Variants in ATP8A1 observed in about 807,000 individuals in gnomAD.
ATP8A1 encodes ATPase phospholipid transporting 8A1, also known as phospholipid-transporting ATPase IA.
A neutral mutation model predicts 177.7 loss-of-function variants in ATP8A1; 90 were observed. The ratio of observed to expected loss-of-function variants is 0.51; its 90% CI spans 0.43 to 0.60. The LOEUF is 0.60. Among genes scored for constraint, ATP8A1 ranks in the 20% least tolerant of loss-of-function variants. The pLI is 0.00. For missense variants in ATP8A1, 1,072 were observed against 1,392.8 expected (o/e 0.77, Z 3.67); for synonymous variants, 493 against 485.9 (o/e 1.01, Z -0.19).
chr4:42,518,758 A>T (rs1725822282), intron 22 of ATP8A1, among the ~76,000 whole-genome samples: 2 of 152,214 alleles, frequency 1.3e-5, no homozygotes, highest in African/African-American at 2.4e-5. Context: ...CATAAACAGC[A>T]TGTCTCAGTT....
chr4:42,641,010 GA>G (rs10609874), intron 1 of ATP8A1, among the ~76,000 whole-genome samples: 31,715 of 123,266 alleles, frequency 0.26, 3,597 homozygotes, highest in Non-Finnish European at 0.29. Flanking sequence ...CCCCTCACCA[GA>G]AAAAAAAAAA....
chr4:42,623,915 A>G (rs1737772185), intron 4 of ATP8A1, among the ~76,000 whole-genome samples: 1 of 152,184 alleles, frequency 6.6e-6, no homozygotes, highest in South Asian at 2.1e-4. Context: ...CAGGAAAAAA[A>G]CCAAACCAAA....
intron 15 of ATP8A1, among the ~76,000 whole-genome samples, chr4:42,557,841 G>A (rs149447912): frequency 0.02 from 3,000 of 152,106 alleles, 92 homozygotes; most frequent in African/African-American, 0.069. Context: ...TCAGGAGTTC[G>A]AGACCAGCCT....
In ATP8A1 at chr4:42,433,856, T is replaced by TAAA. The variant is rs35018755; in HGVS notation, c.3123+9706_3123+9708dup. ...TCTCTGTTCTCTGGCAAGAGAGTAA[T>TAAA]AAAAAAAAAAAACGATTAAAAAAGG... On this transcript the variant is annotated intron_variant, in intron 33 of 36. Coordinates refer to ENST00000381668, the MANE Select transcript of ATP8A1 (RefSeq NM_006095.2). Among the ~76,000 whole-genome samples the TAAA allele has an allele frequency of 6.4e-3, 895 of 139,390 alleles. 9 individuals carry two copies. Among genetic ancestry groups the TAAA allele is most frequent in the African/African-American group, 0.02 (769 of 38,120 alleles). The allele number at this position is 139,390 out of a possible 152,430, so 91.4% of individuals were successfully genotyped here.
chr4:42,569,921 C>T (rs946903513), intron 14 of ATP8A1, among the ~76,000 whole-genome samples: 2 of 152,124 alleles, frequency 1.3e-5, no homozygotes, highest in South Asian at 4.1e-4. Flanking sequence ...TTGGAAGGGG[C>T]CCATAATACA....
intron 17 of ATP8A1, 64 bp from the exon 18 acceptor site, chr4:42,551,344 G>T (rs576728014): frequency 2.7e-6 from 3 of 1,128,636 alleles, no homozygotes; most frequent in South Asian, 2.5e-5. Context: ...CAGCACAAGA[G>T]AAGTACATTA....
chr4:42,498,290 G>A (rs944201926), intron 24 of ATP8A1, among the ~76,000 whole-genome samples: 3 of 152,078 alleles, frequency 2.0e-5, no homozygotes, highest in African/African-American at 4.8e-5. Context: ...AGGTCTGTCC[G>A]CATAATACAT....
chr4:42,495,406 C>T (rs866515259), intron 24 of ATP8A1, among the ~76,000 whole-genome samples: 4 of 152,130 alleles, frequency 2.6e-5, no homozygotes, highest in Admixed American at 6.5e-5. Context: ...TATACTCCTA[C>T]GCAACACATA....
intron 33 of ATP8A1, among the ~76,000 whole-genome samples, chr4:42,435,436 A>AAAC (rs1715825866): frequency 1.3e-5 from 1 of 77,862 alleles, no homozygotes; most frequent in African/African-American, 5.2e-5. Context: ...CAAAAAAAAA[A>AAAC]AAAAAAAAAA....
intron 21 of ATP8A1, among the ~76,000 whole-genome samples, chr4:42,523,810 A>G (rs1726392504): frequency 6.6e-6 from 1 of 152,142 alleles, no homozygotes; most frequent in African/African-American, 2.4e-5. Flanking sequence ...CTATGAATAT[A>G]TATGTTTCCA....
intron 20 of ATP8A1, among the ~76,000 whole-genome samples, chr4:42,532,807 T>C (rs1264558627): frequency 6.6e-6 from 1 of 152,168 alleles, no homozygotes; most frequent in Non-Finnish European, 1.5e-5. Context: ...AAAGTGAAAA[T>C]AGCCTTAACG....
chr4:42,485,141 T>C (rs895035791), intron 25 of ATP8A1, among the ~76,000 whole-genome samples: 1 of 152,208 alleles, frequency 6.6e-6, no homozygotes, highest in South Asian at 2.1e-4. Context: ...TCTTTCATCA[T>C]GCTATTCCCC....
intron 15 of ATP8A1, among the ~76,000 whole-genome samples, chr4:42,558,934 G>T (rs80323654): frequency 6.6e-6 from 1 of 152,172 alleles, no homozygotes; most frequent in African/African-American, 2.4e-5. Context: ...CAGCACTTTC[G>T]GGAGGCTGAG....
At chr4:42,591,593 A>AT (rs953565076) in intron 6 of ATP8A1, among the ~76,000 whole-genome samples, 15 of 152,034 alleles carry the variant, frequency 9.9e-5, no homozygotes, top group Non-Finnish European at 2.2e-4. Context: ...ATCCAGAGAA[A>AT]TTTTTTCAGA....
intron 27 of ATP8A1, among the ~76,000 whole-genome samples, chr4:42,464,244 T>C (rs1013761552): frequency 2.6e-5 from 4 of 151,094 alleles, no homozygotes; most frequent in African/African-American, 4.9e-5. Flanking sequence ...AATTTAAACA[T>C]AATTCTCCAT....
intron 20 of ATP8A1, among the ~76,000 whole-genome samples, chr4:42,530,872 T>TCC (rs1479886567): frequency 6.6e-6 from 1 of 152,176 alleles, no homozygotes; most frequent in Non-Finnish European, 1.5e-5. Context: ...TCACCATCAC[T>TCC]CCTAGTGATC....
chr4:42,543,523 T>A (rs541222626), intron 20 of ATP8A1, among the ~76,000 whole-genome samples: 64 of 152,306 alleles, frequency 4.2e-4, no homozygotes, highest in African/African-American at 1.4e-3. Context: ...ATGACATAAT[T>A]ATGGTAGTAA....
chr4:42,633,132 C>T (rs1422671700), intron 1 of ATP8A1, among the ~76,000 whole-genome samples: 1 of 152,200 alleles, frequency 6.6e-6, no homozygotes, highest in Non-Finnish European at 1.5e-5. Flanking sequence ...AACTCAACAT[C>T]CATATTTGAA....
chr4:42,446,566 C>A lies in ATP8A1; in HGVS notation c.2958+17G>T. On this transcript the variant is annotated intron_variant, in intron 31 of 36. Coordinates refer to ENST00000381668, the MANE Select transcript of ATP8A1 (RefSeq NM_006095.2). ...TTTTGATTTTACACGCAAACGAGACCGACATCCCGCACTCACAGTGTACAC... is the reference window on the plus strand; with the variant it reads ...TTTTGATTTTACACGCAAACGAGACAGACATCCCGCACTCACAGTGTACAC... 6.2e-7 allele frequency: 1 copy of A among 1,611,416 alleles called. No homozygotes were observed. The highest frequency in any genetic ancestry group is 8.5e-7 in the Non-Finnish European group (1 of 1,178,122).
Sources: gnomAD v4.1 joint callset for allele counts (sites outside exome capture counted in the v4.1 genomes callset) on GRCh38, gnomAD v4.1.1 for gene constraint, MANE v1.5 for transcripts, NCBI Gene and HGNC (gene_info 2026-07-23, HGNC 2026-07-21) for gene names.